The following NUBPL variants were observed in gnomAD, a reference collection of about 807,000 sequenced individuals.
The protein encoded by NUBPL is NUBP iron-sulfur cluster assembly factor, mitochondrial.
NUBPL carries 31 observed loss-of-function variants against 45.7 expected under a neutral mutation model. That is an observed-to-expected ratio of 0.68 (90% CI 0.51 to 0.92). The LOEUF is 0.92. Among genes scored for constraint, NUBPL ranks in the 40% least tolerant of loss-of-function variants. NUBPL has a pLI of 0.00. For synonymous variants in NUBPL, 144 were observed against 140.9 expected (o/e 1.02, Z -0.15); for missense variants, 401 against 398.7 (o/e 1.01, Z -0.05).
intron 6 of NUBPL, among the ~76,000 whole-genome samples, chr14:31,678,549 G>A (rs1042961007): frequency 3.3e-5 from 5 of 152,138 alleles, no homozygotes; most frequent in African/African-American, 7.2e-5. Flanking sequence ...TCAAGGTATC[G>A]GGTTACCTTC....
At chr14:31,581,132 A>C (rs929706240) in intron 3 of NUBPL, among the ~76,000 whole-genome samples, 3 of 151,852 alleles carry the variant, frequency 2.0e-5, no homozygotes, top group African/African-American at 4.8e-5. Flanking sequence ...TGTTCCAAAG[A>C]TATTTTGAAG....
At chr14:31,816,933 G>A (rs1297773552) in intron 7 of NUBPL, among the ~76,000 whole-genome samples, 1 of 151,940 alleles carries the variant, frequency 6.6e-6, no homozygotes, top group Non-Finnish European at 1.5e-5. Context: ...ATTTGCTCAG[G>A]AGTGTTTTAC....
intron 6 of NUBPL, among the ~76,000 whole-genome samples, chr14:31,691,149 GTCACT>G (rs2037084878): frequency 3.9e-5 from 6 of 152,128 alleles, no homozygotes; most frequent in African/African-American, 1.4e-4. Context: ...AAAGAAGTTT[GTCACT>G]GCCACCCCTA....
intron 4 of NUBPL, among the ~76,000 whole-genome samples, chr14:31,615,995 C>T (rs956715728): frequency 3.9e-5 from 6 of 152,230 alleles, no homozygotes; most frequent in South Asian, 2.1e-4. Context: ...TTCTAACTGG[C>T]GTGAGATGAT....
chr14:31,727,146 A>C (rs1394496452), intron 6 of NUBPL, among the ~76,000 whole-genome samples: 1 of 152,194 alleles, frequency 6.6e-6, no homozygotes, highest in East Asian at 1.9e-4. Context: ...AGGAAAGCTC[A>C]TTGTAAATTA....
chr14:31,776,392 CA>C (rs1476094355), intron 6 of NUBPL, among the ~76,000 whole-genome samples: 1 of 152,178 alleles, frequency 6.6e-6, no homozygotes, highest in Non-Finnish European at 1.5e-5. Flanking sequence ...CCTTCACACA[CA>C]ATGGGAAGCC....
At chr14:31,641,267 A>G (rs968022808) in intron 4 of NUBPL, among the ~76,000 whole-genome samples, 5 of 152,100 alleles carry the variant, frequency 3.3e-5, no homozygotes, top group African/African-American at 9.7e-5. Flanking sequence ...TTTCTTTTAT[A>G]TAACTGTGTA....
chr14:31,808,145 T>G (rs1309836306), intron 7 of NUBPL, among the ~76,000 whole-genome samples: 3 of 152,226 alleles, frequency 2.0e-5, no homozygotes, highest in African/African-American at 7.2e-5. Flanking sequence ...AGTAGTTTTT[T>G]CCAGTTCTGT....
At chr14:31,786,549 A>C (rs545078500) in intron 6 of NUBPL, among the ~76,000 whole-genome samples, 78 of 152,324 alleles carry the variant, frequency 5.1e-4, no homozygotes, top group African/African-American at 1.8e-3. Flanking sequence ...TATCTGCCTG[A>C]TATCTCTGTC....
chr14:31,626,398 C>T (rs2035208458), intron 4 of NUBPL, among the ~76,000 whole-genome samples: 1 of 152,188 alleles, frequency 6.6e-6, no homozygotes, highest in Non-Finnish European at 1.5e-5. Flanking sequence ...CCTTGTCCTC[C>T]CAAAGTGCTG....
chr14:31,654,013 T>C, intron 4 of NUBPL: 1 of 429,252 alleles, frequency 2.3e-6, no homozygotes, highest in Non-Finnish European at 4.8e-6. Flanking sequence ...AGATATTATG[T>C]CTGTTTTTCT....
At chr14:31,856,428 C>T (rs1305154262) in intron 10 of NUBPL, among the ~76,000 whole-genome samples, 1 of 152,162 alleles carries the variant, frequency 6.6e-6, no homozygotes, top group African/African-American at 2.4e-5. Flanking sequence ...ACCCCAGCCC[C>T]TCCCAAATCA....
intron 6 of NUBPL, among the ~76,000 whole-genome samples, chr14:31,755,213 C>T (rs2038631556): frequency 6.6e-6 from 1 of 152,166 alleles, no homozygotes. Context: ...GGTATATACC[C>T]AGTAATGGGA....
intron 4 of NUBPL, among the ~76,000 whole-genome samples, chr14:31,636,238 A>T (rs7161641): frequency 1.3e-5 from 2 of 151,204 alleles, no homozygotes; most frequent in Non-Finnish European, 2.9e-5. Context: ...TGTCATAGAT[A>T]GCTCTTATTA....
Position 31,617,823 on chromosome 14 carries a change from A to G in NUBPL, c.382+18444A>G, listed in dbSNP as rs551573235. ...ATTAGGGAGGAGTCCCTCTTTTTCT[A>G]TTGATTGGAATAGTTTCAGAAGGAA... On this transcript the variant is annotated intron_variant, in intron 4 of 10. Transcript: ENST00000281081. Among the ~76,000 whole-genome samples, 7 of 152,186 alleles carry G rather than the reference A, an allele frequency of 4.6e-5. No individual in the cohort carries two copies. In the East Asian group the frequency reaches 7.7e-4, roughly 17 times the overall value.
Position 31,773,943 on chromosome 14 carries a change from G to T in NUBPL, c.514-13837G>T, listed in dbSNP as rs192696752. 1.1e-3 allele frequency among the ~76,000 whole-genome samples: 170 copies of T among 152,302 alleles called. No individual in the cohort carries two copies. In the Middle Eastern group the frequency reaches 0.014, roughly 12 times the overall value. On this transcript the variant is annotated intron_variant, in intron 6 of 10. Transcript: ENST00000281081. ...TTAAGAAGTTGTCCTGTCACTTATG[G>T]CATATTCCAACCACCATATGAGTGG... is the stretch of plus-strand genomic sequence containing the variant.
intron 6 of NUBPL, among the ~76,000 whole-genome samples, chr14:31,726,256 C>A (rs2037922506): frequency 6.6e-6 from 1 of 152,034 alleles, no homozygotes; most frequent in Admixed American, 6.5e-5. Context: ...GTCCAAAGCA[C>A]CGATAGAATT....
chr14:31,614,520 A>G (rs1047601992), intron 4 of NUBPL, among the ~76,000 whole-genome samples: 1 of 151,956 alleles, frequency 6.6e-6, no homozygotes, highest in Non-Finnish European at 1.5e-5. Flanking sequence ...AGTAGAACAT[A>G]TTTTTAATTT....
At chr14:31,639,617 T>A (rs1214461436) in intron 4 of NUBPL, among the ~76,000 whole-genome samples, 1 of 152,202 alleles carries the variant, frequency 6.6e-6, no homozygotes, top group Non-Finnish European at 1.5e-5. Flanking sequence ...TTCAAAGATA[T>A]CAGACAGGGA....
Sources: gnomAD v4.1 joint callset for allele counts (sites outside exome capture counted in the v4.1 genomes callset) on GRCh38, gnomAD v4.1.1 for gene constraint, MANE v1.5 for transcripts, NCBI Gene and HGNC (gene_info 2026-07-23, HGNC 2026-07-21) for gene names.